Variants in PID1 observed in about 807,000 individuals in gnomAD.
PID1 encodes the protein PTB-containing, cubilin and LRP1-interacting protein.
In PID1, 10 loss-of-function variants were observed where a neutral mutation model predicts 19.1. The ratio of observed to expected loss-of-function variants is 0.52; its 90% CI spans 0.32 to 0.89. The LOEUF is 0.89. Among genes scored for constraint, PID1 ranks in the 40% least tolerant of loss-of-function variants. The probability of loss-of-function intolerance (pLI) is 0.03; values close to 1 mark genes in which losing one functional copy is unlikely to be tolerated. For missense variants in PID1, 248 were observed against 285.3 expected (o/e 0.87, Z 0.94); for synonymous variants, 130 against 116.0 (o/e 1.12, Z -0.78).
At chr2:229,257,978 G>A (rs530662055) in intron 1 of PID1, among the ~76,000 whole-genome samples, 10 of 152,152 alleles carry the variant, frequency 6.6e-5, no homozygotes, top group Non-Finnish European at 1.2e-4. Context: ...TTTCTGTCAC[G>A]GGAGGAAAAA....
chr2:229,067,641 T>A (rs1226995963), intron 2 of PID1, among the ~76,000 whole-genome samples: 2 of 151,990 alleles, frequency 1.3e-5, no homozygotes, highest in African/African-American at 2.4e-5. Flanking sequence ...CCATTACCAA[T>A]CCTCCATGAA....
At chr2:229,236,729 G>A (rs1689695243) in intron 1 of PID1, 1 of 152,332 alleles carries the variant, frequency 6.6e-6, no homozygotes, top group East Asian at 1.9e-4. Context: ...CCAGGTAGAA[G>A]GAAGAGGCCA....
intron 2 of PID1, among the ~76,000 whole-genome samples, chr2:229,048,584 G>A (rs930754533): frequency 1.3e-5 from 2 of 152,284 alleles, no homozygotes; most frequent in South Asian, 2.1e-4. Context: ...CACTAACCAC[G>A]GCAGGAAGGG....
chr2:229,202,123 CAAT>C, intron 1 of PID1, among the ~76,000 whole-genome samples: 1 of 152,146 alleles, frequency 6.6e-6, no homozygotes, highest in Admixed American at 6.6e-5. Context: ...TTCTGGGAAT[CAAT>C]TGTCAAACAT....
At chr2:229,057,163 C>G (rs192877330) in intron 2 of PID1, among the ~76,000 whole-genome samples, 44 of 152,152 alleles carry the variant, frequency 2.9e-4, no homozygotes, top group African/African-American at 9.6e-4. Flanking sequence ...AATAGCCAGG[C>G]CTGGTGGCTC....
chr2:229,094,219 G>A (rs1006091258), intron 2 of PID1, among the ~76,000 whole-genome samples: 2 of 151,766 alleles, frequency 1.3e-5, no homozygotes, highest in African/African-American at 4.8e-5. Flanking sequence ...AAAATACCTA[G>A]GAATACACTT....
At chr2:229,145,692 C>A (rs1413963036) in intron 2 of PID1, among the ~76,000 whole-genome samples, 1 of 152,130 alleles carries the variant, frequency 6.6e-6, no homozygotes, top group Admixed American at 6.6e-5. Flanking sequence ...AGAAAAGTAT[C>A]TATTCACTGT....
intron 2 of PID1, among the ~76,000 whole-genome samples, chr2:229,088,713 T>C (rs1306982866): frequency 6.6e-6 from 1 of 152,040 alleles, no homozygotes; most frequent in Non-Finnish European, 1.5e-5. Flanking sequence ...CAGTTGTGTC[T>C]CATTGTCATA....
chr2:229,155,716 T>G, intron 2 of PID1, 102 bp downstream of exon 2: 2 of 1,079,932 alleles, frequency 1.9e-6, no homozygotes, highest in Non-Finnish European at 2.6e-6. Flanking sequence ...TTTTATATTT[T>G]CATTCTTAAA....
chr2:229,112,524 C>T (rs1396533669), intron 2 of PID1, among the ~76,000 whole-genome samples: 1 of 152,112 alleles, frequency 6.6e-6, no homozygotes, highest in African/African-American at 2.4e-5. Flanking sequence ...CTTGCTCTGT[C>T]GCCCAGGCTG....
At chr2:229,135,822 A>G (rs1689848130) in intron 2 of PID1, among the ~76,000 whole-genome samples, 1 of 152,228 alleles carries the variant, frequency 6.6e-6, no homozygotes, top group Admixed American at 6.5e-5. Flanking sequence ...TGTGACATGC[A>G]GAACTCAGAT....
intron 2 of PID1, among the ~76,000 whole-genome samples, chr2:229,059,478 A>C (rs1348031877): frequency 6.6e-6 from 1 of 152,210 alleles, no homozygotes; most frequent in African/African-American, 2.4e-5. Context: ...TATCAACTCC[A>C]TTAAACAGAG....
chr2:229,054,812 G>A (rs1186632935), intron 2 of PID1, among the ~76,000 whole-genome samples: 1 of 149,632 alleles, frequency 6.7e-6, no homozygotes, highest in Non-Finnish European at 1.5e-5. Context: ...TTTTCCTTGA[G>A]AATTTGTTAC....
intron 2 of PID1, among the ~76,000 whole-genome samples, chr2:229,041,098 G>T (rs929636236): frequency 1.3e-5 from 2 of 152,088 alleles, no homozygotes; most frequent in East Asian, 1.9e-4. Flanking sequence ...AGCACCCTGC[G>T]AGCAGTAATG....
At chr2:229,261,487 G>A (rs186915641) in intron 1 of PID1, among the ~76,000 whole-genome samples, 4 of 152,320 alleles carry the variant, frequency 2.6e-5, no homozygotes, top group Admixed American at 1.3e-4. Flanking sequence ...TCTCACCTGA[G>A]GAAAAGTAGG....
At chr2:229,163,689 G>C (rs920106466) in intron 1 of PID1, among the ~76,000 whole-genome samples, 1 of 136,758 alleles carries the variant, frequency 7.3e-6, no homozygotes, top group African/African-American at 2.5e-5. Context: ...GTGCGTGTGT[G>C]TGTGTGTATA....
chr2:229,207,685 C>T (rs1691638284), intron 1 of PID1, among the ~76,000 whole-genome samples: 1 of 151,770 alleles, frequency 6.6e-6, no homozygotes, highest in Non-Finnish European at 1.5e-5. Context: ...GATTCTTCTG[C>T]CTGCCACCCT....
intron 2 of PID1, among the ~76,000 whole-genome samples, chr2:229,114,637 T>C (rs982888863): frequency 1.3e-5 from 2 of 152,182 alleles, no homozygotes; most frequent in East Asian, 1.9e-4. Flanking sequence ...ACTATTCGCA[T>C]TGACTGTGAC....
At chr2:229,079,746 G>C (rs1694634111) in intron 2 of PID1, among the ~76,000 whole-genome samples, 1 of 152,340 alleles carries the variant, frequency 6.6e-6, no homozygotes, top group African/African-American at 2.4e-5. Context: ...ATTCTGTCAA[G>C]CATCAGTTAA....
Sources: allele counts gnomAD v4.1 joint callset (sites outside exome capture counted in the v4.1 genomes callset), GRCh38; gene constraint gnomAD v4.1.1; transcripts MANE v1.5; gene names NCBI Gene and HGNC (gene_info 2026-07-23, HGNC 2026-07-21).